Variants in DRC8 observed in about 807,000 individuals in gnomAD.
DRC8 encodes the protein dynein regulatory complex protein 8.
the DRC8 span, chr1:245,087,494 T>C: frequency 7.2e-7 from 1 of 1,387,488 alleles, no homozygotes; most frequent in Non-Finnish European, 9.3e-7. Context: ...AGACACTTTG[T>C]TTTTAAAGAT....
the DRC8 span, among the ~76,000 whole-genome samples, chr1:244,991,913 G>T: frequency 6.6e-6 from 1 of 152,278 alleles, no homozygotes; most frequent in South Asian, 2.1e-4. Context: ...TGACTGTCTG[G>T]ACTGATTTAT....
chr1:245,120,167 AT>A, the DRC8 span, among the ~76,000 whole-genome samples: 3 of 151,816 alleles, frequency 2.0e-5, no homozygotes, highest in Non-Finnish European at 2.9e-5. Flanking sequence ...GTAAAAACTA[AT>A]TTTTTTTTAT....
At chr1:245,021,528 T>G in the DRC8 span, among the ~76,000 whole-genome samples, 2 of 152,148 alleles carry the variant, frequency 1.3e-5, no homozygotes, top group South Asian at 4.1e-4. Context: ...CTCTGCCTCC[T>G]GAGTTCAAGC....
the DRC8 span, among the ~76,000 whole-genome samples, chr1:244,987,205 CTTT>C: frequency 6.9e-6 from 1 of 144,436 alleles, no homozygotes; most frequent in Non-Finnish European, 1.5e-5. Flanking sequence ...GTATTTCTTT[CTTT>C]TTTTTTTTTT....
At chr1:245,017,779 C>T in the DRC8 span, among the ~76,000 whole-genome samples, 8 of 152,088 alleles carry the variant, frequency 5.3e-5, no homozygotes, top group Non-Finnish European at 8.8e-5. Context: ...AGAACCCAAA[C>T]AGAAGAACAT....
the DRC8 span, among the ~76,000 whole-genome samples, chr1:245,033,737 CT>C: frequency 1.4e-5 from 2 of 147,006 alleles, no homozygotes; most frequent in Non-Finnish European, 3.0e-5. Context: ...TTTCTTTTTT[CT>C]TTTTTTTGAC....
At chr1:245,088,496 A>G in the DRC8 span, among the ~76,000 whole-genome samples, 2 of 152,238 alleles carry the variant, frequency 1.3e-5, no homozygotes, top group Non-Finnish European at 1.5e-5. This position sits in a 1 kb window ranked among gnomAD's most constrained non-coding sequence, Gnocchi z 4.6. Context: ...CTGTTCATTC[A>G]TTCATGAAAC....
the DRC8 span, among the ~76,000 whole-genome samples, chr1:244,975,210 G>A: frequency 1.3e-5 from 2 of 152,010 alleles, no homozygotes; most frequent in East Asian, 1.9e-4. Context: ...GATTACAGGC[G>A]TGAGCCACCA....
the DRC8 span, among the ~76,000 whole-genome samples, chr1:245,031,710 A>G: frequency 6.6e-5 from 10 of 151,902 alleles, no homozygotes; most frequent in African/African-American, 2.4e-4. Flanking sequence ...CTCCACAGGG[A>G]CCCAAGGAAG....
At chr1:244,994,095 G>A in the DRC8 span, among the ~76,000 whole-genome samples, 1 of 152,280 alleles carries the variant, frequency 6.6e-6, no homozygotes, top group Admixed American at 6.5e-5. Flanking sequence ...ATTCTAGGTG[G>A]CCTTTAGCTC....
chr1:245,013,600 TTAAA>T, the DRC8 span, among the ~76,000 whole-genome samples: 1 of 152,216 alleles, frequency 6.6e-6, no homozygotes, highest in African/African-American at 2.4e-5. Context: ...GGAGGGTTGA[TTAAA>T]TACATTTTGA....
At chr1:245,093,165 G>A in the DRC8 span, among the ~76,000 whole-genome samples, 2 of 152,008 alleles carry the variant, frequency 1.3e-5, no homozygotes, top group African/African-American at 4.8e-5. Flanking sequence ...TGGAGAGAAC[G>A]TGCGCATACC....
At chr1:245,095,240 C>T in the DRC8 span, among the ~76,000 whole-genome samples, 2 of 152,180 alleles carry the variant, frequency 1.3e-5, no homozygotes, top group East Asian at 1.9e-4. Flanking sequence ...CCTGGGCAGG[C>T]AAGGAAGGAC....
chr1:245,085,457 T>A, the DRC8 span, among the ~76,000 whole-genome samples: 1 of 152,178 alleles, frequency 6.6e-6, no homozygotes, highest in South Asian at 2.1e-4. Context: ...AGGGAGACAT[T>A]ATCGATGTGT....
At chr1:245,098,718 A>G in the DRC8 span, among the ~76,000 whole-genome samples, 1 of 152,276 alleles carries the variant, frequency 6.6e-6, no homozygotes, top group African/African-American at 2.4e-5. Context: ...AACTGTCCTG[A>G]TGCTGTGGTT....
At chr1:244,996,077 A>G in the DRC8 span, among the ~76,000 whole-genome samples, 1 of 152,242 alleles carries the variant, frequency 6.6e-6, no homozygotes, top group Admixed American at 6.5e-5. Flanking sequence ...TCTTAGGGTC[A>G]GGAATCTAGA....
At chr1:245,019,455 A>G in the DRC8 span, among the ~76,000 whole-genome samples, 1 of 152,132 alleles carries the variant, frequency 6.6e-6, no homozygotes, top group Non-Finnish European at 1.5e-5. Context: ...TGGCTTGATC[A>G]TAACTCACTG....
At chr1:244,987,710 C>T in the DRC8 span, among the ~76,000 whole-genome samples, 1 of 150,206 alleles carries the variant, frequency 6.7e-6, no homozygotes, top group Non-Finnish European at 1.5e-5. Context: ...AGAACAATAA[C>T]ATTATCTGTA....
the DRC8 span, among the ~76,000 whole-genome samples, chr1:244,978,319 C>A: frequency 6.6e-6 from 1 of 152,040 alleles, no homozygotes; most frequent in Non-Finnish European, 1.5e-5. Context: ...CACGGGAAAA[C>A]CCCGTCTCTA....
Sources: gnomAD v4.1 joint callset for allele counts (sites outside exome capture counted in the v4.1 genomes callset) on GRCh38, gnomAD v4.1.1 for gene constraint, Gnocchi (gnomAD v3.1) non-coding constraint, MANE v1.5 for transcripts, NCBI Gene and HGNC (gene_info 2026-07-23, HGNC 2026-07-21) for gene names.